The following PHF24 variants were observed in gnomAD, a reference collection of about 807,000 sequenced individuals.
The protein encoded by PHF24 is Galpha inhibitory interacting protein.
A neutral mutation model predicts 42.6 loss-of-function variants in PHF24; 25 were observed. That is an observed-to-expected ratio of 0.59 (90% CI 0.43 to 0.82). The LOEUF is 0.82. Among genes scored for constraint, PHF24 ranks in the 40% least tolerant of loss-of-function variants. The probability of loss-of-function intolerance (pLI) is 0.00; values close to 1 mark genes in which losing one functional copy is unlikely to be tolerated. For synonymous variants in PHF24, 185 were observed against 204.8 expected, an observed-to-expected ratio of 0.90 and a Z score of 0.83; for missense variants, 470 against 538.1, an observed-to-expected ratio of 0.87 and a Z score of 1.25.
the PHF24 span, among the ~76,000 whole-genome samples, chr9:34,898,179 G>A: frequency 0.042 from 6,467 of 152,214 alleles, 377 homozygotes; most frequent in African/African-American, 0.13. Context: ...GTTTCCTCCA[G>A]GTAGATACCC....
chr9:34,695,352 T>G, the PHF24 span, among the ~76,000 whole-genome samples: 1 of 152,186 alleles, frequency 6.6e-6, no homozygotes, highest in Non-Finnish European at 1.5e-5. Flanking sequence ...GCTCCACACC[T>G]TTTTTTCCCC....
the PHF24 span, among the ~76,000 whole-genome samples, chr9:34,770,797 G>A: frequency 1.3e-5 from 2 of 149,652 alleles, no homozygotes; most frequent in African/African-American, 5.1e-5. Flanking sequence ...GTCTCTTAAG[G>A]TAACTCTTGG....
At chr9:34,736,070 T>C in the PHF24 span, among the ~76,000 whole-genome samples, 155 of 151,812 alleles carry the variant, frequency 1.0e-3, no homozygotes, top group African/African-American at 3.5e-3. Context: ...GTAGTTTTTT[T>C]CCTCCACAGT....
the PHF24 span, among the ~76,000 whole-genome samples, chr9:34,944,303 C>A: frequency 1.3e-5 from 2 of 152,248 alleles, no homozygotes; most frequent in South Asian, 4.1e-4. Context: ...CCTCAAAATA[C>A]AATCCCAGGT....
chr9:34,723,521 G>C, the PHF24 span: 2 of 1,551,812 alleles, frequency 1.3e-6, no homozygotes, highest in African/African-American at 1.4e-5. Flanking sequence ...GGCCACCTTC[G>C]CAGCGGCTGA....
chr9:34,961,086 G>A (rs1826574464), intron 1 of PHF24, among the ~76,000 whole-genome samples: 1 of 152,030 alleles, frequency 6.6e-6, no homozygotes, highest in Non-Finnish European at 1.5e-5. Context: ...ACCTCCCCAG[G>A]CCCATTTCCC....
At chr9:34,795,790 A>T in the PHF24 span, among the ~76,000 whole-genome samples, 2 of 152,200 alleles carry the variant, frequency 1.3e-5, no homozygotes, top group African/African-American at 2.4e-5. Context: ...TGAGCCCAGG[A>T]GTTAGAGATC....
the PHF24 span, among the ~76,000 whole-genome samples, chr9:34,786,827 C>T: frequency 2.6e-5 from 4 of 152,134 alleles, no homozygotes; most frequent in South Asian, 2.1e-4. Context: ...GGGGATAACC[C>T]GGTTGACTCG....
the PHF24 span, among the ~76,000 whole-genome samples, chr9:34,804,350 A>G: frequency 6.6e-6 from 1 of 152,184 alleles, no homozygotes; most frequent in African/African-American, 2.4e-5. Context: ...TATAATATAT[A>G]AAGTTCTTAT....
chr9:34,740,946 T>A, the PHF24 span, among the ~76,000 whole-genome samples: 1 of 151,978 alleles, frequency 6.6e-6, no homozygotes, highest in African/African-American at 2.4e-5. Context: ...AGTGCAGTGG[T>A]GTGATCTCAG....
the PHF24 span, chr9:34,724,815 C>A: frequency 6.4e-7 from 1 of 1,551,028 alleles, no homozygotes; most frequent in Non-Finnish European, 8.7e-7. Context: ...TCTGTGATGA[C>A]AGATTGGCTA....
At chr9:34,865,669 A>G in the PHF24 span, among the ~76,000 whole-genome samples, 1 of 152,224 alleles carries the variant, frequency 6.6e-6, no homozygotes, top group Non-Finnish European at 1.5e-5. Flanking sequence ...AGTAAAATGC[A>G]TAGCTTAACT....
intron 6 of PHF24, 28 bp downstream of exon 6, chr9:34,977,271 A>T (rs1563937915): frequency 6.4e-7 from 1 of 1,556,912 alleles, no homozygotes; most frequent in Admixed American, 1.9e-5. Context: ...CCTGGTCCCC[A>T]CTCAGCCTCT....
At chr9:34,878,191 C>G in the PHF24 span, among the ~76,000 whole-genome samples, 2 of 152,060 alleles carry the variant, frequency 1.3e-5, no homozygotes, top group Non-Finnish European at 2.9e-5. Context: ...TCTCCATACT[C>G]CACTCAATTT....
chr9:34,768,208 G>C, the PHF24 span, among the ~76,000 whole-genome samples: 29,100 of 152,170 alleles, frequency 0.19, 3,205 homozygotes, highest in African/African-American at 0.29. Context: ...TCTTTCAGAG[G>C]TTATGGGCAA....
chr9:34,754,713 A>C, the PHF24 span, among the ~76,000 whole-genome samples: 2 of 152,182 alleles, frequency 1.3e-5, no homozygotes, highest in Admixed American at 6.5e-5. Flanking sequence ...ATATACAGCC[A>C]AAAGAAAAGA....
chr9:34,981,395 C>T (rs1180105547), exon 8 of PHF24: 2 of 152,286 alleles, frequency 1.3e-5, no homozygotes, highest in East Asian at 1.9e-4. Context: ...ACCCAGGACT[C>T]ATAGCCCAAA....
chr9:34,829,667 T>C, the PHF24 span, among the ~76,000 whole-genome samples: 4 of 152,256 alleles, frequency 2.6e-5, no homozygotes, highest in Non-Finnish European at 4.4e-5. Flanking sequence ...TCAACTAATA[T>C]AAGGTATTAC....
At chr9:34,793,412 A>C in the PHF24 span, among the ~76,000 whole-genome samples, 1 of 152,234 alleles carries the variant, frequency 6.6e-6, no homozygotes, top group Non-Finnish European at 1.5e-5. Flanking sequence ...CTTTTCAAAG[A>C]GGTTTTAGTT....
Sources: allele counts gnomAD v4.1 joint callset (sites outside exome capture counted in the v4.1 genomes callset), GRCh38; gene constraint gnomAD v4.1.1; transcripts MANE v1.5; gene names NCBI Gene and HGNC (gene_info 2026-07-23, HGNC 2026-07-21).